The following NBPF10 variants were observed in gnomAD, a reference collection of about 807,000 sequenced individuals.
NBPF10 encodes the protein NBPF family member NBPF10.
Under a neutral mutation model 77.9 loss-of-function variants are expected in NBPF10, and 63 were observed. The observed-to-expected ratio is 0.81, with a 90% CI of 0.66 to 1.00. NBPF10 has a LOEUF of 1.00. Ranked by LOEUF, NBPF10 falls within the 50% of genes least tolerant of loss-of-function variation. NBPF10 has a pLI of 0.00. For synonymous variants in NBPF10, 146 were observed against 264.5 expected (o/e 0.55, Z 4.35); for missense variants, 522 against 679.8 (o/e 0.77, Z 2.58).
chr1:146,126,802 GC>G (rs1658762424), intron 13 of NBPF10, among the ~76,000 whole-genome samples: 1 of 121,406 alleles, frequency 8.2e-6, no homozygotes. Flanking sequence ...TGAGAATACA[GC>G]TTTTGAGGTA....
intron 1 of NBPF10, 48 bp from the exon 2 acceptor site, chr1:146,142,800 G>C: frequency 8.6e-7 from 1 of 1,162,850 alleles, no homozygotes; most frequent in South Asian, 1.4e-5. Flanking sequence ...TGGACATGCT[G>C]CTGTGGTCAC....
intron 15 of NBPF10, 139 bp from the exon 16 acceptor site, chr1:146,124,999 C>T: frequency 3.5e-6 from 1 of 287,252 alleles, no homozygotes; most frequent in Non-Finnish European, 5.9e-6. Flanking sequence ...GAATTATTGC[C>T]TTTATGTTGG....
chr1:146,085,760 CAG>C (rs782111494), intron 65 of NBPF10, among the ~76,000 whole-genome samples: 49 of 5,118 alleles, frequency 9.6e-3, no homozygotes, highest in African/African-American at 0.035. Context: ...CACACACACA[CAG>C]AGAGAGAGAG....
chr1:146,123,519 CACACACAG>C (rs879132277), intron 17 of NBPF10, among the ~76,000 whole-genome samples: 1 of 93,588 alleles, frequency 1.1e-5, no homozygotes, highest in African/African-American at 5.5e-5. Flanking sequence ...CACACACACA[CACACACAG>C]AGAGAGAGAG....
In NBPF10 at chr1:146,137,081, G is replaced by C. The variant is rs669752; in HGVS notation, c.989-626C>G. Among the ~76,000 whole-genome samples, 971 of 110,806 alleles carry C rather than the reference G, an allele frequency of 8.8e-3. 5 individuals are homozygous for C. Among genetic ancestry groups the C allele is most frequent in the Non-Finnish European group, 0.013 (610 of 45,914 alleles). The allele number at this position is 110,806 out of a possible 152,430, so 72.7% of individuals were successfully genotyped here. ...GAAGAACTAATAGATAGTGTTTACT[G>C]TGTGCCAATAAATGTTCTAGGAGAT... On this transcript the variant is annotated intron_variant, in intron 6 of 89. Coordinates refer to ENST00000583866, the Ensembl canonical transcript of NBPF10.
Position 146,142,629 on chromosome 1 carries a change from C to T in NBPF10, c.278+21G>A, listed in dbSNP as rs1553797862. 13 of 1,289,294 alleles carry T rather than the reference C, an allele frequency of 1.0e-5. 2 individuals carry two copies. The highest frequency in any genetic ancestry group is 1.3e-5 in the South Asian group (1 of 74,308). The allele number at this position is 1,289,294 out of a possible 1,614,324, so 79.9% of individuals were successfully genotyped here. On this transcript the variant is annotated intron_variant, in intron 2 of 89. Transcript: ENST00000583866. ...GATCTACACACCTACCCGCCTGCCT[C>T]CCCCTATGGGGTCCCCTCACCTGAG...
At chr1:146,068,047 T>G (rs1420025136) in exon 88 of NBPF10, 8 of 550,330 alleles carry the variant, frequency 1.5e-5, no homozygotes, top group Non-Finnish European at 2.5e-5. Context: ...CTCCAATGAG[T>G]AAACAGCACT....
At chr1:146,137,020 C>CTTTAT (rs1659785370) in intron 6 of NBPF10, among the ~76,000 whole-genome samples, 34 of 110,094 alleles carry the variant, frequency 3.1e-4, no homozygotes, top group East Asian at 7.5e-4. Context: ...TGCCCAAATG[C>CTTTAT]TAATAAAGTT....
At chr1:146,142,214 G>C (rs1416750233) in intron 2 of NBPF10, among the ~76,000 whole-genome samples, 3 of 113,146 alleles carry the variant, frequency 2.7e-5, no homozygotes, top group African/African-American at 8.8e-5. Flanking sequence ...GTGCAGATGG[G>C]GCGAATTGAA....
exon 20 of NBPF10, chr1:146,121,565 G>C (rs1658170417): frequency 1.8e-6 from 1 of 569,652 alleles, no homozygotes; most frequent in Non-Finnish European, 2.9e-6. Flanking sequence ...TGTAGGGCTG[G>C]CATGAGTCAG....
Position 146,127,122 on chromosome 1 carries a change from C to G in NBPF10, c.1802-43G>C, listed in dbSNP as rs782196614. The G allele has an allele frequency of 6.3e-6, 3 of 477,368 alleles. 1 individual carries two copies. Among genetic ancestry groups the G allele is most frequent in the East Asian group, 6.3e-5 (2 of 31,564 alleles). The allele number at this position is 477,368 out of a possible 1,614,324, so 29.6% of individuals were successfully genotyped here. A position where few individuals can be genotyped will look rare whatever the true frequency, so the allele number is the denominator to read the frequency against. On this transcript the variant is annotated intron_variant, in intron 12 of 89. Coordinates refer to ENST00000583866, the Ensembl canonical transcript of NBPF10. ...TGTGCCCTCTTACATTAAGTTCTTC[C>G]TTGCACACAGAAACATTCCTCTGTC... is the stretch of plus-strand genomic sequence containing the variant.
chr1:146,136,656 A>G (rs1370729083), intron 6 of NBPF10, among the ~76,000 whole-genome samples: 2 of 143,940 alleles, frequency 1.4e-5, no homozygotes, highest in African/African-American at 5.7e-5. Context: ...ATGAAGAAAG[A>G]GAACCTCAAG....
intron 13 of NBPF10, among the ~76,000 whole-genome samples, 188 bp from the exon 14 acceptor site, chr1:146,126,596 GACACACACACACAC>G (rs56881979): frequency 1.1e-4 from 13 of 113,694 alleles, no homozygotes; most frequent in African/African-American, 2.4e-4. Context: ...GAACGAGAAA[GACACACACACACAC>G]ACACACACAC....
At chr1:146,126,374 C>T in exon 14 of NBPF10, 4 of 1,375,630 alleles carry the variant, frequency 2.9e-6, no homozygotes, top group Non-Finnish European at 4.1e-6. Flanking sequence ...TGCAAGACTT[C>T]AGGCCCTTTC....
chr1:146,126,570 C>A (rs1249656707), intron 13 of NBPF10, among the ~76,000 whole-genome samples, 162 bp from the exon 14 acceptor site: 6 of 146,240 alleles, frequency 4.1e-5, no homozygotes, highest in African/African-American at 1.3e-4. Flanking sequence ...TTGACTAGGG[C>A]CAGGTAGAAA....
intron 14 of NBPF10, 127 bp downstream of exon 14, chr1:146,126,109 C>T (rs1187163879): frequency 2.3e-5 from 16 of 704,552 alleles, no homozygotes; most frequent in African/African-American, 5.3e-5. Flanking sequence ...ATTCAACCTA[C>T]ATGTGCCTAT....
intron 88 of NBPF10, 32 bp downstream of exon 88, chr1:146,067,971 G>T: frequency 1.7e-6 from 1 of 576,206 alleles, no homozygotes; most frequent in South Asian, 1.6e-5. Flanking sequence ...AGACCAGGTG[G>T]AGGCTTATCA....
At position 146,134,270 on chromosome 1, in the gene NBPF10, A is replaced by G; in HGVS notation, c.1307-5T>C. 6.2e-7 allele frequency: 1 copy of G among 1,603,688 alleles called. No homozygotes were observed. The highest frequency in any genetic ancestry group is 8.5e-7 in the Non-Finnish European group (1 of 1,178,976). The stretch of plus-strand genomic sequence containing the variant: ...CATCGTCATCGTTGTCATTTTCTGC[A>G]AATACAGAAGTGTTCGTTCAGGTAT... On this transcript the variant is annotated splice_polypyrimidine_tract_variant and splice_region_variant and intron_variant, in intron 8 of 89. Transcript: ENST00000583866.
chr1:146,126,469 G>T (rs1332249962), intron 13 of NBPF10, 61 bp from the exon 14 acceptor site: 22 of 769,848 alleles, frequency 2.9e-5, no homozygotes, highest in Admixed American at 2.0e-4. Flanking sequence ...CACAGCCCCA[G>T]CTAGATTTCA....
Sources: gnomAD v4.1 joint callset for allele counts (sites outside exome capture counted in the v4.1 genomes callset) on GRCh38, gnomAD v4.1.1 for gene constraint, MANE v1.5 for transcripts, NCBI Gene and HGNC (gene_info 2026-07-23, HGNC 2026-07-21) for gene names.